KIT: variants seen among roughly 807,000 people sequenced by gnomAD.
The protein encoded by KIT is mast/stem cell growth factor receptor Kit.
KIT carries 16 observed loss-of-function variants against 105.7 expected under a neutral mutation model. That is an observed-to-expected ratio of 0.15 (90% confidence interval 0.10 to 0.23). The LOEUF is 0.23. Ranked by LOEUF, KIT falls within the 10% of genes least tolerant of loss-of-function variation. The probability of loss-of-function intolerance (pLI) is 1.00; values close to 1 mark genes in which losing one functional copy is unlikely to be tolerated. For synonymous variants in KIT, 438 were observed against 441.1 expected (o/e 0.99, Z 0.09); for missense variants, 858 against 1,213.8 (o/e 0.71, Z 4.36).
At chr4:54,707,577 T>G (rs1398927272) in intron 6 of KIT, among the ~76,000 whole-genome samples, 3 of 152,220 alleles carry the variant, frequency 2.0e-5, no homozygotes, top group Admixed American at 6.5e-5. Flanking sequence ...GTAACTTTCA[T>G]GTACTCGGGA....
Position 54,703,842 on chromosome 4 carries a change from C to T in KIT, c.875C>T (p.Ala292Val), listed in dbSNP as rs1322080248. 1 of 1,613,548 alleles carries T rather than the reference C, an allele frequency of 6.2e-7. No homozygotes were observed. The highest frequency in any genetic ancestry group is 8.5e-7 in the Non-Finnish European group (1 of 1,179,664). ...VNDSGVFMCY[A>V]NNTFGSANVT... ...GATTCTGGAGTGTTCATGTGTTATGCCAATAATACTTTTGGATCAGCAAAT... is the reference window on the plus strand; with the variant it reads ...GATTCTGGAGTGTTCATGTGTTATGTCAATAATACTTTTGGATCAGCAAAT... Residue 292 changes from alanine to valine, a missense_variant, in exon 5 of 21, where the codon GCC (alanine) becomes GTC (valine). Ala to Val is a moderately conservative substitution (Grantham distance 64). Around this residue, in one of 7 missense-constraint regions of KIT, gnomAD observed 401 missense variants for 601.0 expected, o/e 0.67. Transcript: ENST00000288135.
rs587778431 is a variant in KIT at position 54,727,479 on chromosome 4, A to G, written c.1711A>G (p.Ile571Val). The G allele has an allele frequency of 8.1e-6, 13 of 1,614,146 alleles. No individual in the cohort carries two copies. The highest frequency in any genetic ancestry group is 2.2e-5 in the East Asian group (1 of 44,872). ...EEINGNNYVYIDPTQLPYDHK... is the reference protein window; with the variant it reads ...EEINGNNYVYVDPTQLPYDHK... ...GATAAATGGAAACAATTATGTTTAC[A>G]TAGACCCAACACAACTTCCTTATGA... The change falls in exon 11 of 21, where the codon ATA becomes GTA. Residue 571 changes from isoleucine (I) to valine (V), a missense_variant. Transcript: ENST00000288135.
At chr4:54,661,893 A>G (rs1436626380) in intron 1 of KIT, among the ~76,000 whole-genome samples, 1 of 152,176 alleles carries the variant, frequency 6.6e-6, no homozygotes, top group South Asian at 2.1e-4. Context: ...GATTTCTGAC[A>G]TTTTTTGGAT....
intron 11 of KIT, 83 bp downstream of exon 11, chr4:54,727,625 G>GT (rs1722322369): frequency 6.4e-7 from 1 of 1,558,606 alleles, no homozygotes; most frequent in African/African-American, 1.4e-5. Context: ...GGCTTCCTTT[G>GT]TTTTGTTCCA....
chr4:54,709,412 T>G lies in KIT; in HGVS notation c.1116-12T>G, dbSNP rs755889226. The G allele has an allele frequency of 3.2e-6, 5 of 1,550,414 alleles. No individual in the cohort carries two copies. The highest frequency in any genetic ancestry group is 4.5e-6 in the Non-Finnish European group (5 of 1,121,918). ...ATCCACAGGTGATTGACTAGTTGTC[T>G]TTTCTTTGTAGATACGTAAGTGAAC... On this transcript the variant is annotated splice_polypyrimidine_tract_variant and intron_variant, in intron 6 of 20. Coordinates refer to ENST00000288135, the MANE Select transcript of KIT (RefSeq NM_000222.3).
At chr4:54,724,040 G>C (rs1722064985) in intron 8 of KIT, among the ~76,000 whole-genome samples, 1 of 152,166 alleles carries the variant, frequency 6.6e-6, no homozygotes, top group Non-Finnish European at 1.5e-5. Flanking sequence ...TGGGAAATGT[G>C]ACTGTAGTTA....
chr4:54,728,186 G>T, intron 13 of KIT, 65 bp downstream of exon 13: 3 of 1,213,920 alleles, frequency 2.5e-6, no homozygotes, highest in South Asian at 2.4e-5. Flanking sequence ...ATTTTAATAT[G>T]ATTTTGGCAA....
chr4:54,670,120 C>T (rs1401708804), intron 1 of KIT, among the ~76,000 whole-genome samples: 1 of 152,160 alleles, frequency 6.6e-6, no homozygotes, highest in African/African-American at 2.4e-5. Flanking sequence ...TAGGTGTCTT[C>T]ACTTTCAGGA....
At chr4:54,732,974 T>C (rs1007956219) in intron 16 of KIT, 96 bp from the exon 17 acceptor site, 1 of 1,023,624 alleles carries the variant, frequency 9.8e-7, no homozygotes, top group African/African-American at 1.6e-5. Flanking sequence ...GGATTTTTTA[T>C]AATATAAGCA....
At chr4:54,692,791 G>A (rs1028501418) in intron 1 of KIT, among the ~76,000 whole-genome samples, 3 of 152,156 alleles carry the variant, frequency 2.0e-5, no homozygotes, top group Non-Finnish European at 2.9e-5. Flanking sequence ...TCACTCTGTA[G>A]CCTTTATGAC....
At chr4:54,673,293 C>G (rs1469261942) in intron 1 of KIT, among the ~76,000 whole-genome samples, 1 of 152,130 alleles carries the variant, frequency 6.6e-6, no homozygotes, top group Non-Finnish European at 1.5e-5. Flanking sequence ...CCTTCTTAGC[C>G]TGTATTCTGT....
At chr4:54,675,565 A>G (rs928190446) in intron 1 of KIT, among the ~76,000 whole-genome samples, 4 of 152,310 alleles carry the variant, frequency 2.6e-5, no homozygotes, top group South Asian at 2.1e-4. Context: ...TTTTAAACCA[A>G]TGTGATTGTT....
intron 1 of KIT, among the ~76,000 whole-genome samples, chr4:54,661,799 G>A (rs1195494048): frequency 2.0e-5 from 3 of 152,222 alleles, no homozygotes; most frequent in Non-Finnish European, 4.4e-5. Flanking sequence ...GGCAAATCCA[G>A]TGTAAATCTT....
intron 1 of KIT, among the ~76,000 whole-genome samples, chr4:54,675,409 G>A (rs1012170064): frequency 1.3e-5 from 2 of 152,174 alleles, no homozygotes; most frequent in African/African-American, 2.4e-5. Flanking sequence ...TTTGCAAAGG[G>A]AAACAGGCTT....
intron 1 of KIT, among the ~76,000 whole-genome samples, chr4:54,671,748 TGAAA>T (rs1718123921): frequency 6.6e-6 from 1 of 152,202 alleles, no homozygotes; most frequent in Non-Finnish European, 1.5e-5. Context: ...TTTTTCAATA[TGAAA>T]GAACTGAACT....
At chr4:54,704,703 G>A (rs1175202985) in intron 5 of KIT, among the ~76,000 whole-genome samples, 5 of 151,982 alleles carry the variant, frequency 3.3e-5, no homozygotes, top group Admixed American at 3.3e-4. Flanking sequence ...TTTGAGTATT[G>A]TTTGAATTTA....
At chr4:54,734,427 AC>A (rs1722795485) in intron 17 of KIT, among the ~76,000 whole-genome samples, 1 of 152,230 alleles carries the variant, frequency 6.6e-6, no homozygotes, top group Non-Finnish European at 1.5e-5. Context: ...ACAGTGCCAG[AC>A]ATATTGTTAC....
In KIT at chr4:54,715,118, A is replaced by G. The variant is rs547928079; in HGVS notation, c.1231+5579A>G. Among the ~76,000 whole-genome samples, 4 of 152,220 alleles carry G rather than the reference A, an allele frequency of 2.6e-5. No individual in the cohort carries two copies. The South Asian group carries it at 8.3e-4, about 32-fold the overall frequency. ...GTTAGCAATTATTTATAGGTCATAC[A>G]GTATACCAAAATCAGCCAAAGCAAT... On this transcript the variant is annotated intron_variant, in intron 7 of 20. Transcript: ENST00000288135.
intron 1 of KIT, among the ~76,000 whole-genome samples, chr4:54,662,629 A>G (rs991908320): frequency 3.9e-5 from 6 of 152,010 alleles, no homozygotes; most frequent in African/African-American, 7.3e-5. Flanking sequence ...CTGGAGTGCA[A>G]TGGCGCAATC....
Sources: allele counts gnomAD v4.1 joint callset (sites outside exome capture counted in the v4.1 genomes callset), GRCh38; gene constraint gnomAD v4.1.1; regional missense constraint gnomAD v4.1.1; transcripts MANE v1.5; gene names NCBI Gene and HGNC (gene_info 2026-07-23, HGNC 2026-07-21).